The following BBS5 variants were observed in gnomAD, a reference collection of about 807,000 sequenced individuals.
BBS5 encodes the protein Bardet-Biedl syndrome 5.
A neutral mutation model predicts 50.2 loss-of-function variants in BBS5; 39 were observed. The ratio of observed to expected loss-of-function variants is 0.78; its 90% CI spans 0.60 to 1.01. The LOEUF is 1.01. BBS5 is among the 50% of genes least tolerant of loss of function. The pLI is 0.00. For synonymous variants in BBS5, 134 were observed against 133.1 expected, an observed-to-expected ratio of 1.01 and a Z score of -0.05; for missense variants, 356 against 401.5, an observed-to-expected ratio of 0.89 and a Z score of 0.97.
chr2:169,493,648 T>A (rs1165223046), intron 6 of BBS5, 93 bp from the exon 7 acceptor site: 2 of 877,198 alleles, frequency 2.3e-6, no homozygotes. Context: ...TTGGTATTAT[T>A]TGCTGCTGTA....
At chr2:169,500,312 T>C (rs1021244406) in intron 9 of BBS5, among the ~76,000 whole-genome samples, 1 of 152,240 alleles carries the variant, frequency 6.6e-6, no homozygotes, top group African/African-American at 2.4e-5. Flanking sequence ...GTACCCTTGC[T>C]AGAGGCGCTA....
In BBS5 at chr2:169,487,804, A is replaced by G. The variant is rs1477098739; in HGVS notation, c.209-2A>G. The G allele has an allele frequency of 5.6e-6, 9 of 1,605,288 alleles. No homozygotes were observed. The highest frequency in any genetic ancestry group is 7.7e-6 in the Non-Finnish European group (9 of 1,173,520). On this transcript the variant is annotated splice_acceptor_variant, in intron 3 of 11. Transcript: ENST00000295240. LOFTEE classifies it high-confidence loss of function. ...TTTACATTCTTTGCTTTTGGATTTT[A>G]GCTGTCGGTTACAATTGCATATTGA...
intron 5 of BBS5, among the ~76,000 whole-genome samples, chr2:169,488,815 A>C (rs74959951): frequency 0.038 from 5,775 of 152,290 alleles, 382 homozygotes; most frequent in African/African-American, 0.13. Context: ...ACCAGATTAA[A>C]TTAGCTACCA....
At position 169,479,575 on chromosome 2, in the gene BBS5, T is replaced by C. The variant is rs757580141; in HGVS notation, c.22T>C (p.Trp8Arg). 6.2e-7 allele frequency: 1 copy of C among 1,614,036 alleles called. No individual in the cohort carries two copies. Among genetic ancestry groups the C allele is most frequent in the African/African-American group, 1.3e-5 (1 of 74,930 alleles). The change falls in exon 1 of 12, where the codon TGG (tryptophan) becomes CGG (arginine). Residue 8 changes from tryptophan (W) to arginine (R), a missense_variant. Coordinates refer to ENST00000295240, the MANE Select transcript of BBS5 (RefSeq NM_152384.3). Reference protein sequence around the residue: MSVLDALWEDRDVRFDLS... With the variant: MSVLDALREDRDVRFDLS... ...CACCATGTCGGTGCTGGATGCGCTT[T>C]GGGAGGATCGGGATGTCCGTTTCGA...
At chr2:169,496,731 T>C (rs562517810) in intron 7 of BBS5, among the ~76,000 whole-genome samples, 7 of 139,322 alleles carry the variant, frequency 5.0e-5, no homozygotes, top group African/African-American at 1.0e-4. Context: ...TAGCCGGGCA[T>C]AGTGGCGGGC....
rs572936322 is a variant in BBS5 at position 169,493,187 on chromosome 2, A to G, written c.522+178A>G. On this transcript the variant is annotated intron_variant, in intron 6 of 11. Transcript: ENST00000295240. Reference sequence around the variant, plus strand: ...TAACATCCCTATTTTCTTTCAATACAATGAAATATCTGATAATCCTGGAAT... The same window carrying G: ...TAACATCCCTATTTTCTTTCAATACGATGAAATATCTGATAATCCTGGAAT... The G allele has an allele frequency of 6.2e-4, 439 of 712,416 alleles. 8 individuals carry two copies. In the South Asian group the frequency reaches 7.2e-3, roughly 12 times the overall value. 44.1% of individuals were successfully genotyped at this position (712,416 alleles called of 1,614,324 possible). A position where few individuals can be genotyped will look rare whatever the true frequency, so the allele number is the denominator to read the frequency against.
At chr2:169,503,859 A>AACT (rs1213739752) in intron 10 of BBS5, among the ~76,000 whole-genome samples, 2 of 152,226 alleles carry the variant, frequency 1.3e-5, no homozygotes, top group Non-Finnish European at 2.9e-5. Flanking sequence ...AATAATTATA[A>AACT]ACTACTACTG....
intron 2 of BBS5, among the ~76,000 whole-genome samples, chr2:169,483,487 T>G (rs1399840328): frequency 6.6e-6 from 1 of 152,134 alleles, no homozygotes; most frequent in Non-Finnish European, 1.5e-5. Context: ...AGAGACATAT[T>G]AGATGGTAAA....
intron 10 of BBS5, among the ~76,000 whole-genome samples, chr2:169,503,596 A>G (rs1683848103): frequency 6.6e-6 from 1 of 152,238 alleles, no homozygotes; most frequent in Non-Finnish European, 1.5e-5. Context: ...CTGTGAATAG[A>G]ACATGTTAAA....
At chr2:169,501,636 C>T (rs768157068) in intron 9 of BBS5, among the ~76,000 whole-genome samples, 2 of 151,746 alleles carry the variant, frequency 1.3e-5, no homozygotes, top group Non-Finnish European at 2.9e-5. Flanking sequence ...TTAACTACTC[C>T]GGAGGCTGAG....
In BBS5 at chr2:169,506,271, C is replaced by T. The variant is rs1430482479; in HGVS notation, c.*1689C>T. 1.3e-4 allele frequency: 22 copies of T among 167,666 alleles called. No homozygotes were observed. Among genetic ancestry groups the T allele is most frequent in the Non-Finnish European group, 2.4e-4 (19 of 80,418 alleles). 10.4% of individuals were successfully genotyped at this position (167,666 alleles called of 1,614,324 possible). ...CCCTACTGGGAAGTGAGGAGCCCCT[C>T]TGCCCGGCCACCACCCCGTCTGGGA... On this transcript the variant is annotated 3_prime_UTR_variant, in exon 12 of 12. Coordinates refer to ENST00000295240, the MANE Select transcript of BBS5 (RefSeq NM_152384.3).
chr2:169,485,860 T>A (rs944047269), intron 2 of BBS5, among the ~76,000 whole-genome samples: 10 of 152,224 alleles, frequency 6.6e-5, no homozygotes, highest in Non-Finnish European at 1.5e-4. Flanking sequence ...AAGGGTTGGC[T>A]GTGTCTCTCC....
At position 169,499,514 on chromosome 2, in the gene BBS5, T is replaced by C; in HGVS notation, c.710T>C (p.Ile237Thr). 1.9e-6 allele frequency: 3 copies of C among 1,613,748 alleles called. No individual in the cohort carries two copies. Among genetic ancestry groups the C allele is most frequent in the East Asian group, 2.2e-5 (1 of 44,838 alleles). The change falls in exon 9 of 12, where the codon ATA becomes ACA. Residue 237 changes from isoleucine (I) to threonine (T), a missense_variant. By Grantham distance (89) the Ile-to-Thr change is moderately conservative. Coordinates refer to ENST00000295240, the MANE Select transcript of BBS5 (RefSeq NM_152384.3). Reference sequence around the variant, plus strand: ...GGTGGATATGTTCTTGGCTTTAAAATAGATCCTGTGGAAAAACTACAAGAA... The same window carrying C: ...GGTGGATATGTTCTTGGCTTTAAAACAGATCCTGTGGAAAAACTACAAGAA... ...QSGGYVLGFK[I>T]DPVEKLQESV...
chr2:169,504,347 T>G lies in BBS5; in HGVS notation c.924+21T>G, dbSNP rs947839024. 10 of 1,609,844 alleles carry G rather than the reference T, an allele frequency of 6.2e-6. No individual in the cohort carries two copies. In the Admixed American group the frequency reaches 1.2e-4, roughly 19 times the overall value. On this transcript the variant is annotated intron_variant, in intron 11 of 11. Coordinates refer to ENST00000295240, the MANE Select transcript of BBS5 (RefSeq NM_152384.3). ...ATAAGGTAAGGACATTTATTTTACC[T>G]ACAGTATATGAAAAAAGTTTCTAAA...
At chr2:169,503,049 C>T (rs1683837558) in intron 9 of BBS5, 46 bp from the exon 10 acceptor site, 2 of 1,372,244 alleles carry the variant, frequency 1.5e-6, no homozygotes, top group Non-Finnish European at 2.1e-6. Context: ...TCTCATGGTA[C>T]ATTTAATATT....
At chr2:169,496,267 G>C (rs1683690153) in intron 7 of BBS5, among the ~76,000 whole-genome samples, 1 of 152,046 alleles carries the variant, frequency 6.6e-6, no homozygotes, top group African/African-American at 2.4e-5. Context: ...CAGGCCACTG[G>C]TTTCACCATC....
chr2:169,496,847 C>T (rs1348187292), intron 7 of BBS5, among the ~76,000 whole-genome samples: 2 of 150,242 alleles, frequency 1.3e-5, no homozygotes, highest in Non-Finnish European at 3.0e-5. Flanking sequence ...CCAGCCTGGG[C>T]AACAGAGCGA....
In BBS5 at chr2:169,479,632, G is replaced by A. The variant is rs1213628579; in HGVS notation, c.59+20G>A. On this transcript the variant is annotated intron_variant, in intron 1 of 11. Coordinates refer to ENST00000295240, the MANE Select transcript of BBS5 (RefSeq NM_152384.3). ...CGCGCAGTGAGTTTCCAAGATTCCC[G>A]AGGGATCTTCAACCCTGTAGAGGGC... The A allele has an allele frequency of 1.2e-6, 2 of 1,613,704 alleles. No homozygotes were observed. Among genetic ancestry groups the A allele is most frequent in the South Asian group, 1.1e-5 (1 of 91,072 alleles).
rs1197509028 is a variant in BBS5 at position 169,482,251 on chromosome 2, G to A, written c.60G>A (p.Gln20=). 2 of 1,600,778 alleles carry A rather than the reference G, an allele frequency of 1.2e-6. No individual in the cohort carries two copies. The highest frequency in any genetic ancestry group is 1.7e-6 in the Non-Finnish European group (2 of 1,168,130). Residue 20 remains glutamine (Q), a splice_region_variant and synonymous_variant, in exon 2 of 12, where the codon CAG becomes CAA. Coordinates refer to ENST00000295240, the MANE Select transcript of BBS5 (RefSeq NM_152384.3). The part of the protein sequence containing the change: ...DRDVRFDLSA[Q]QMKTRPGEVL... ...ATTCAAACCTTTATATTCACTTTAG[G>A]CAAATGAAAACAAGACCTGGAGAAG...
Sources: gnomAD v4.1 joint callset for allele counts (sites outside exome capture counted in the v4.1 genomes callset) on GRCh38, gnomAD v4.1.1 for gene constraint, MANE v1.5 for transcripts, NCBI Gene and HGNC (gene_info 2026-07-23, HGNC 2026-07-21) for gene names.